Variants in ALAS2 observed in about 807,000 individuals in gnomAD.
ALAS2 encodes the protein 5-aminolevulinate synthase, erythroid-specific, mitochondrial.
A neutral mutation model predicts 33.7 loss-of-function variants in ALAS2; 3 were observed. The ratio of observed to expected loss-of-function variants is 0.09; its 90% CI spans 0.04 to 0.23. ALAS2 has a LOEUF of 0.23. Among genes scored for constraint, ALAS2 ranks in the 10% least tolerant of loss-of-function variants. The pLI, the probability that ALAS2 is intolerant of heterozygous loss-of-function variation, is 1.00. For synonymous variants in ALAS2, 191 were observed against 177.3 expected (o/e 1.08, Z -0.61); for missense variants, 304 against 475.1 (o/e 0.64, Z 3.35).
At chrX:55,017,424 C>G in intron 7 of ALAS2, 62 bp downstream of exon 7, 1 of 998,346 alleles carries the variant, frequency 1.0e-6, no homozygotes, top group Non-Finnish European at 1.4e-6. Context: ...TCATCATCAT[C>G]ATGATCATCA....
chrX:55,019,917 G>T (rs963509930), intron 6 of ALAS2, among the ~76,000 whole-genome samples: 11 of 111,994 alleles, frequency 9.8e-5, no homozygotes, highest in Non-Finnish European at 1.3e-4. Flanking sequence ...TGGGGCTTCT[G>T]TTTTTATTGT....
intron 8 of ALAS2, 105 bp downstream of exon 8, chrX:55,015,473 A>G: frequency 1.0e-6 from 1 of 974,902 alleles, no homozygotes; most frequent in Non-Finnish European, 1.5e-6. Flanking sequence ...GGGGCTGTGA[A>G]TTCTGTCCAA....
intron 1 of ALAS2, among the ~76,000 whole-genome samples, chrX:55,030,271 A>G (rs375585953): frequency 3.6e-5 from 4 of 111,860 alleles, no homozygotes; most frequent in Non-Finnish European, 7.5e-5. Flanking sequence ...AAATCTGTTT[A>G]CTTTCTGTAT....
intron 1 of ALAS2, among the ~76,000 whole-genome samples, chrX:55,029,723 TG>T (rs1328193211): frequency 1.8e-5 from 2 of 112,084 alleles, no homozygotes; most frequent in Non-Finnish European, 3.8e-5. Context: ...ATGTACCTAA[TG>T]TGTGATAATG....
At chrX:55,020,882 GGT>G (rs765788526) in intron 5 of ALAS2, among the ~76,000 whole-genome samples, 168 bp downstream of exon 5, 1 of 112,117 alleles carries the variant, frequency 8.9e-6, no homozygotes. Context: ...TGGGAAACAT[GGT>G]GTGTTGACTT....
At chrX:55,019,171 T>C (rs1935756634) in intron 6 of ALAS2, among the ~76,000 whole-genome samples, 2 of 110,453 alleles carry the variant, frequency 1.8e-5, no homozygotes, top group Admixed American at 9.7e-5. Context: ...TTTTATAAGA[T>C]ACAAGAGACT....
chrX:55,023,738 T>C lies in ALAS2; in HGVS notation c.415+19A>G. On this transcript the variant is annotated intron_variant, in intron 4 of 10. Transcript: ENST00000650242. ...CTTCCCTATTCCGGTCCCCTTTTTTTCCACCTCAGCAAACTCACCAGGCAT... is the reference window on the plus strand; with the variant it reads ...CTTCCCTATTCCGGTCCCCTTTTTTCCCACCTCAGCAAACTCACCAGGCAT... 8.4e-7 allele frequency: 1 copy of C among 1,184,419 alleles called. No individual in the cohort carries two copies. The highest frequency in any genetic ancestry group is 1.1e-6 in the Non-Finnish European group (1 of 871,726).
Position 55,025,838 on chromosome X carries a change from C to A in ALAS2, c.163G>T (p.Ala55Ser), listed in dbSNP as rs748962941. 8 of 1,210,028 alleles carry A rather than the reference C, an allele frequency of 6.6e-6. No homozygotes were observed. The highest frequency in any genetic ancestry group is 2.2e-5 in the Admixed American group (1 of 45,758). Residue 55 changes from alanine to serine, a missense_variant, in exon 2 of 11, where the codon GCA (alanine) becomes TCA (serine). Physicochemically the swap from Ala to Ser is moderately conservative, Grantham distance 99. Transcript: ENST00000650242. ...TTCTTACCTCCTCCAGCCTTTGTTG[C>A]CTTAAGGTGGATTTGAGAACAGTTT... Reference protein sequence around the residue: ...GPNCSQIHLKATKAGGDSPSW... With the variant: ...GPNCSQIHLKSTKAGGDSPSW...
In ALAS2 at chrX:55,009,628, A is replaced by G. The variant is rs28382698; in HGVS notation, c.1601-285T>C. On this transcript the variant is annotated intron_variant, in intron 10 of 10. Coordinates refer to ENST00000650242, the MANE Select transcript of ALAS2 (RefSeq NM_000032.5). ...CTAAGTATAGGATGTGCTGTGGCCC[A>G]AGAATGACTGTCTGCTTGGGAACTC... 1.0e-3 allele frequency among the ~76,000 whole-genome samples: 114 copies of G among 111,556 alleles called. No individual in the cohort carries two copies. The East Asian group carries it at 0.018, about 17-fold the overall frequency.
At chrX:55,023,983 C>T (rs747980653) in intron 3 of ALAS2, 116 bp from the exon 4 acceptor site, 56 of 556,746 alleles carry the variant, frequency 1.0e-4, no homozygotes, top group Non-Finnish European at 1.6e-4. Flanking sequence ...AAGGTAAGGG[C>T]AGCTTCTACA....
chrX:55,023,191 G>GGTGTGTGTGTGTGTGT (rs747543670), intron 4 of ALAS2, among the ~76,000 whole-genome samples: 1 of 98,695 alleles, frequency 1.0e-5, no homozygotes, highest in African/African-American at 3.7e-5. Flanking sequence ...GAGAGCAGAG[G>GGTGTGTGTGTGTGTGT]GTGTGTGTGT....
In ALAS2 at chrX:55,025,969, C is replaced by A; in HGVS notation, c.32G>T (p.Cys11Phe). MVTAAMLLQC[C>F]PVLARGPTSL... is the part of the protein sequence containing the mutation. ...TGTGGGGCCCCGGGCAAGCACTGGG[C>A]AGCACTGTAGCAGCATGGCTGCAGT... The change falls in exon 2 of 11, where the codon TGC becomes TTC. Residue 11 changes from cysteine to phenylalanine, a missense_variant. Cys to Phe is a radical substitution (Grantham distance 205). Coordinates refer to ENST00000650242, the MANE Select transcript of ALAS2 (RefSeq NM_000032.5). The A allele has an allele frequency of 8.3e-7, 1 of 1,211,229 alleles. No individual in the cohort carries two copies. Among genetic ancestry groups the A allele is most frequent in the Non-Finnish European group, 1.1e-6 (1 of 895,358 alleles).
At chrX:55,014,268 A>G (rs891234740) in intron 9 of ALAS2, among the ~76,000 whole-genome samples, 1 of 112,191 alleles carries the variant, frequency 8.9e-6, no homozygotes, top group Non-Finnish European at 1.9e-5. Context: ...ATTTCTCAAT[A>G]AGAAGTACGT....
intron 8 of ALAS2, among the ~76,000 whole-genome samples, chrX:55,015,317 T>C (rs1935680770): frequency 9.1e-6 from 1 of 109,371 alleles, no homozygotes; most frequent in Non-Finnish European, 1.9e-5. Flanking sequence ...GGGGGAGGGG[T>C]TTAGAAACAC....
chrX:55,026,135 C>T, intron 1 of ALAS2, 120 bp from the exon 2 acceptor site: 1 of 594,916 alleles, frequency 1.7e-6, no homozygotes. Flanking sequence ...CTCTTATTGC[C>T]CTTCCAGGGA....
rs1935887399 is a variant in ALAS2, at chrX:55,026,031, A to G, written c.-15-16T>C. ...ACCTAAAGTCCTGCAGAAGACATGGAAGAGATGAGGTTCCATCATGAGGGC... is the reference window on the plus strand; with the variant it reads ...ACCTAAAGTCCTGCAGAAGACATGGGAGAGATGAGGTTCCATCATGAGGGC... On this transcript the variant is annotated splice_polypyrimidine_tract_variant and intron_variant, in intron 1 of 10. Coordinates refer to ENST00000650242, the MANE Select transcript of ALAS2 (RefSeq NM_000032.5). 2 of 1,197,259 alleles carry G rather than the reference A, an allele frequency of 1.7e-6. No homozygotes were observed. The highest frequency in any genetic ancestry group is 2.3e-6 in the Non-Finnish European group (2 of 886,091).
intron 10 of ALAS2, among the ~76,000 whole-genome samples, chrX:55,009,669 C>T (rs1006057931): frequency 1.8e-5 from 2 of 110,857 alleles, no homozygotes; most frequent in South Asian, 3.9e-4. Flanking sequence ...CCTATGAGGA[C>T]AATGATAATG....
In ALAS2 at chrX:55,013,519, G is replaced by C. The variant is rs199826743; in HGVS notation, c.1567C>G (p.His523Asp). The C allele has an allele frequency of 1.1e-5, 13 of 1,208,496 alleles. No individual in the cohort carries two copies. The highest frequency in any genetic ancestry group is 1.5e-5 in the Non-Finnish European group (13 of 894,352). ...EELLRLAPSP[H>D]HSPQMMEDFV... The stretch of plus-strand genomic sequence containing the variant: ...TCTTCCATCATCTGAGGGCTGTGGT[G>C]GGGGGAGGGTGCCAAGCGCAGGAGC... The change falls in exon 10 of 11, where the codon CAC becomes GAC. Residue 523 changes from histidine (H) to aspartate (D), a missense_variant. Transcript: ENST00000650242.
At chrX:55,016,837 T>G (rs1935710702) in intron 7 of ALAS2, among the ~76,000 whole-genome samples, 1 of 112,020 alleles carries the variant, frequency 8.9e-6, no homozygotes, top group Admixed American at 9.5e-5. Flanking sequence ...CCAGATATTT[T>G]ACCTTTGGGA....
Sources: gnomAD v4.1 joint callset for allele counts (sites outside exome capture counted in the v4.1 genomes callset) on GRCh38, gnomAD v4.1.1 for gene constraint, MANE v1.5 for transcripts, NCBI Gene and HGNC (gene_info 2026-07-23, HGNC 2026-07-21) for gene names.